Variants in DDX4 observed in about 807,000 individuals in gnomAD.
The protein encoded by DDX4 is DEAD-box helicase 4.
A neutral mutation model predicts 100.0 loss-of-function variants in DDX4; 25 were observed. The ratio of observed to expected loss-of-function variants is 0.25; its 90% CI spans 0.18 to 0.35. The LOEUF is 0.35. Ranked by LOEUF, DDX4 falls within the 10% of genes least tolerant of loss-of-function variation. The pLI is 1.00. For missense variants in DDX4, 635 were observed against 882.4 expected, an observed-to-expected ratio of 0.72 and a Z score of 3.55; for synonymous variants, 259 against 275.7, an observed-to-expected ratio of 0.94 and a Z score of 0.60.
In DDX4 at chr5:55,782,095, C is replaced by A; in HGVS notation, c.625+114C>A. 4 of 1,220,232 alleles carry A rather than the reference C, an allele frequency of 3.3e-6. No homozygotes were observed. The African/African-American group carries it at 4.5e-5, about 14-fold the overall frequency. The allele number at this position is 1,220,232 out of a possible 1,614,324, so 75.6% of individuals were successfully genotyped here. A position where few individuals can be genotyped will look rare whatever the true frequency, so the allele number is the denominator to read the frequency against. On this transcript the variant is annotated intron_variant, in intron 10 of 21. Transcript: ENST00000505374. Reference sequence around the variant, plus strand: ...ATTTAATTTTTGAAGTTAAAGGTAACTGTTATTGCTTTTATACACTGTGAG... The same window carrying A: ...ATTTAATTTTTGAAGTTAAAGGTAAATGTTATTGCTTTTATACACTGTGAG...
intron 18 of DDX4, among the ~76,000 whole-genome samples, chr5:55,806,139 T>C (rs918365413): frequency 1.2e-4 from 18 of 152,230 alleles, no homozygotes; most frequent in Non-Finnish European, 2.2e-4. Context: ...TCTCTGATGG[T>C]AGTTTGTATT....
intron 17 of DDX4, among the ~76,000 whole-genome samples, chr5:55,796,797 CTT>C: frequency 8.5e-6 from 1 of 117,126 alleles, no homozygotes; most frequent in Admixed American, 8.4e-5. Flanking sequence ...AACTTGAAGA[CTT>C]TTCTTTTCTT....
chr5:55,784,496 A>C (rs1419233699), intron 10 of DDX4, among the ~76,000 whole-genome samples: 1 of 152,186 alleles, frequency 6.6e-6, no homozygotes, highest in Non-Finnish European at 1.5e-5. Flanking sequence ...GGTATCCCTT[A>C]ATCTGGTCAA....
chr5:55,747,874 G>A (rs1327150254), intron 3 of DDX4, among the ~76,000 whole-genome samples: 1 of 152,174 alleles, frequency 6.6e-6, no homozygotes, highest in Non-Finnish European at 1.5e-5. Flanking sequence ...GGTGGTATCA[G>A]GTAGTAATTT....
intron 10 of DDX4, among the ~76,000 whole-genome samples, chr5:55,783,694 G>GATGGATGA (rs1433182468): frequency 2.0e-5 from 3 of 150,626 alleles, no homozygotes; most frequent in South Asian, 4.2e-4. Flanking sequence ...TGGATGAATG[G>GATGGATGA]ATGGATGGAT....
intron 18 of DDX4, among the ~76,000 whole-genome samples, chr5:55,801,005 CAG>C (rs559640181): frequency 5.9e-5 from 9 of 152,002 alleles, no homozygotes; most frequent in Non-Finnish European, 1.3e-4. Flanking sequence ...TTTAAGTCAA[CAG>C]AGATCAAAGA....
chr5:55,800,707 T>G (rs943480933), intron 18 of DDX4, among the ~76,000 whole-genome samples: 1 of 152,168 alleles, frequency 6.6e-6, no homozygotes, highest in African/African-American at 2.4e-5. Flanking sequence ...GAAGAGCTGG[T>G]TTGCCCTTGA....
At chr5:55,815,774 C>CTTTTTTTTTTT (rs67244556) in intron 21 of DDX4, among the ~76,000 whole-genome samples, 3 of 135,988 alleles carry the variant, frequency 2.2e-5, no homozygotes, top group Non-Finnish European at 1.6e-5. Context: ...TTTTTCTTTT[C>CTTTTTTTTTTT]TTTTTTTTTT....
chr5:55,780,152 T>G, intron 8 of DDX4, 87 bp downstream of exon 8: 2 of 1,541,640 alleles, frequency 1.3e-6, no homozygotes, highest in Non-Finnish European at 1.7e-6. Context: ...AAGGTTGTTA[T>G]GAGGATTATA....
intron 3 of DDX4, among the ~76,000 whole-genome samples, chr5:55,754,688 A>C (rs1034242278): frequency 2.6e-5 from 4 of 151,276 alleles, no homozygotes; most frequent in African/African-American, 9.7e-5. Flanking sequence ...CTGGCCTCAT[A>C]AAATGAGTTA....
chr5:55,786,016 A>C, intron 13 of DDX4, 145 bp downstream of exon 13: 1 of 555,392 alleles, frequency 1.8e-6, no homozygotes, highest in East Asian at 3.0e-5. Context: ...ATGATGTCTT[A>C]CCATCTATAA....
intron 10 of DDX4, among the ~76,000 whole-genome samples, chr5:55,784,274 G>A (rs750464122): frequency 1.2e-4 from 19 of 152,056 alleles, no homozygotes; most frequent in Non-Finnish European, 2.2e-4. Context: ...GATGTCCAAG[G>A]ACAAGAGAAG....
chr5:55,756,489 C>A (rs561331804), intron 3 of DDX4, among the ~76,000 whole-genome samples: 76 of 152,220 alleles, frequency 5.0e-4, no homozygotes, highest in Non-Finnish European at 9.1e-4. Flanking sequence ...ACTCTTTGCC[C>A]CTAAGTCTTT....
chr5:55,815,800 C>G (rs1335124880), intron 21 of DDX4, among the ~76,000 whole-genome samples: 1 of 141,120 alleles, frequency 7.1e-6, no homozygotes, highest in African/African-American at 2.7e-5. Context: ...GAGATAGTGT[C>G]TGGCTCTGTT....
At chr5:55,809,037 C>T (rs954486398) in intron 18 of DDX4, among the ~76,000 whole-genome samples, 6 of 152,340 alleles carry the variant, frequency 3.9e-5, no homozygotes, top group South Asian at 2.1e-4. Flanking sequence ...CCCCTAGCTT[C>T]GCTGCTGCCT....
At chr5:55,785,904 G>A in intron 13 of DDX4, 33 bp downstream of exon 13, 1 of 1,519,170 alleles carries the variant, frequency 6.6e-7, no homozygotes, top group Non-Finnish European at 9.1e-7. Context: ...TATTAGCTAT[G>A]TAGCACACTT....
chr5:55,757,123 T>A (rs1197967712), intron 3 of DDX4, among the ~76,000 whole-genome samples: 1 of 152,244 alleles, frequency 6.6e-6, no homozygotes, highest in Non-Finnish European at 1.5e-5. Flanking sequence ...ATGTATTTTT[T>A]ATTTACATAG....
chr5:55,785,565 AAAC>A, intron 12 of DDX4, 71 bp downstream of exon 12: 3 of 1,365,666 alleles, frequency 2.2e-6, no homozygotes, highest in Non-Finnish European at 3.0e-6. Flanking sequence ...TTTTACTTAA[AAAC>A]AAAGTTATCT....
intron 7 of DDX4, among the ~76,000 whole-genome samples, chr5:55,779,240 A>AT (rs1458183228): frequency 6.6e-6 from 1 of 152,148 alleles, no homozygotes; most frequent in African/African-American, 2.4e-5. Flanking sequence ...AGAAGATACA[A>AT]TTTTTTTGAA....
Sources: allele counts gnomAD v4.1 joint callset (sites outside exome capture counted in the v4.1 genomes callset), GRCh38; gene constraint gnomAD v4.1.1; transcripts MANE v1.5; gene names NCBI Gene and HGNC (gene_info 2026-07-23, HGNC 2026-07-21).